SLC36A4: variants seen among roughly 807,000 people sequenced by gnomAD.
SLC36A4 encodes neutral amino acid uniporter 4.
Under a neutral mutation model 50.5 loss-of-function variants are expected in SLC36A4, and 49 were observed. The ratio of observed to expected loss-of-function variants is 0.97; its 90% confidence interval spans 0.77 to 1.23. The LOEUF (loss-of-function observed/expected upper bound fraction) is 1.23. Among genes scored for constraint, SLC36A4 ranks in the 50% most tolerant of loss-of-function variants. The pLI, the probability that SLC36A4 is intolerant of heterozygous loss-of-function variation, is 0.00. For synonymous variants in SLC36A4, 207 were observed against 206.5 expected (o/e 1.00, Z -0.02); for missense variants, 611 against 608.4 (o/e 1.00, Z -0.05).
At chr11:93,162,057 A>G (rs550079822) in intron 9 of SLC36A4, among the ~76,000 whole-genome samples, 1 of 151,286 alleles carries the variant, frequency 6.6e-6, no homozygotes, top group Non-Finnish European at 1.5e-5. Context: ...ACCATAAATG[A>G]TGTAATCTAT....
chr11:93,167,796 C>A (rs1028966700), intron 7 of SLC36A4, 148 bp downstream of exon 7: 13 of 595,220 alleles, frequency 2.2e-5, no homozygotes, highest in Non-Finnish European at 3.9e-5. Context: ...CAGCATCCCC[C>A]TAAAAGAAAC....
chr11:93,190,495 C>G (rs957979017), intron 1 of SLC36A4, among the ~76,000 whole-genome samples: 1 of 152,074 alleles, frequency 6.6e-6, no homozygotes, highest in Non-Finnish European at 1.5e-5. Context: ...TCCACAAATA[C>G]GTACAATTAC....
rs200553451 is a variant in SLC36A4 at position 93,175,981 on chromosome 11, G to C, written c.540+4816C>G. ...TATTAGGTCCGCTTGGTGCAGAGCTGAGTTCAATTCCTGGGTATCCTTGTT... is the reference window on the plus strand; with the variant it reads ...TATTAGGTCCGCTTGGTGCAGAGCTCAGTTCAATTCCTGGGTATCCTTGTT... On this transcript the variant is annotated intron_variant, in intron 6 of 10. Coordinates refer to ENST00000326402, the MANE Select transcript of SLC36A4 (RefSeq NM_152313.4). Among the ~76,000 whole-genome samples the C allele has an allele frequency of 7.5e-5, 10 of 133,960 alleles. No individual in the cohort carries two copies. The East Asian group carries it at 1.9e-3, about 26-fold the overall frequency. 87.9% of individuals were successfully genotyped at this position (133,960 alleles called of 152,430 possible).
At chr11:93,183,528 T>C (rs1861832505) in intron 3 of SLC36A4, among the ~76,000 whole-genome samples, 2 of 152,200 alleles carry the variant, frequency 1.3e-5, no homozygotes, top group African/African-American at 2.4e-5. Context: ...GTTAAAACTG[T>C]TTTTAGAAAG....
At chr11:93,179,533 T>G (rs1861642187) in intron 6 of SLC36A4, among the ~76,000 whole-genome samples, 1 of 152,176 alleles carries the variant, frequency 6.6e-6, no homozygotes, top group East Asian at 1.9e-4. Flanking sequence ...GACATTTAAG[T>G]TTCCAGACAT....
chr11:93,177,390 C>T (rs183695095), intron 6 of SLC36A4, among the ~76,000 whole-genome samples: 242 of 152,236 alleles, frequency 1.6e-3, no homozygotes, highest in African/African-American at 5.4e-3. Flanking sequence ...GCGAAGGGTT[C>T]GAACATCCTC....
chr11:93,164,127 C>T (rs1377117405), intron 8 of SLC36A4, among the ~76,000 whole-genome samples: 2 of 152,060 alleles, frequency 1.3e-5, no homozygotes, highest in Non-Finnish European at 2.9e-5. Context: ...TGGGTGTGTG[C>T]TTGTTGATAC....
intron 2 of SLC36A4, 143 bp downstream of exon 2, chr11:93,185,548 A>C (rs766118615): frequency 5.7e-6 from 4 of 701,894 alleles, no homozygotes; most frequent in Non-Finnish European, 6.4e-6. Flanking sequence ...TTCTTTCCCA[A>C]ATAGACTATA....
At chr11:93,169,088 C>T (rs1861014713) in intron 6 of SLC36A4, among the ~76,000 whole-genome samples, 1 of 151,930 alleles carries the variant, frequency 6.6e-6, no homozygotes, top group South Asian at 2.1e-4. Context: ...TCAATATTGT[C>T]GAGTCTCTGG....
In SLC36A4 at chr11:93,178,473, G is replaced by A. The variant is rs183405531; in HGVS notation, c.540+2324C>T. Reference sequence around the variant, plus strand: ...GCAAAAATCACCCGTCTTCTGTGTCGCTCAAGCTTGGAGCTGTAGACTGGC... The same window carrying A: ...GCAAAAATCACCCGTCTTCTGTGTCACTCAAGCTTGGAGCTGTAGACTGGC... On this transcript the variant is annotated intron_variant, in intron 6 of 10. Coordinates refer to ENST00000326402, the MANE Select transcript of SLC36A4 (RefSeq NM_152313.4). 9.2e-5 allele frequency among the ~76,000 whole-genome samples: 14 copies of A among 152,300 alleles called. No individual in the cohort carries two copies. The East Asian group carries it at 9.7e-4, about 11-fold the overall frequency.
At chr11:93,190,036 T>C (rs931542751) in intron 1 of SLC36A4, among the ~76,000 whole-genome samples, 1 of 152,190 alleles carries the variant, frequency 6.6e-6, no homozygotes, top group Non-Finnish European at 1.5e-5. Context: ...CAAACTCACA[T>C]TGTTTAGCAG....
intron 9 of SLC36A4, among the ~76,000 whole-genome samples, chr11:93,156,456 G>T (rs1422101660): frequency 6.8e-6 from 1 of 146,174 alleles, no homozygotes; most frequent in Non-Finnish European, 1.5e-5. Flanking sequence ...GTCTCACTCT[G>T]TTGCCCAGGC....
chr11:93,170,715 A>G (rs1051544579), intron 6 of SLC36A4, among the ~76,000 whole-genome samples: 1 of 152,060 alleles, frequency 6.6e-6, no homozygotes, highest in Non-Finnish European at 1.5e-5. Context: ...GAGATTTTCT[A>G]GAGTATCTTA....
intron 7 of SLC36A4, chr11:93,166,555 C>T (rs1339646044): frequency 4.2e-6 from 1 of 240,830 alleles, no homozygotes; most frequent in East Asian, 1.8e-4. Flanking sequence ...TTGTCATTAC[C>T]CTTATTATTT....
At position 93,148,737 on chromosome 11, in the gene SLC36A4, T is replaced by C. The variant is rs534462057; in HGVS notation, c.1315A>G (p.Thr439Ala). 2 of 1,612,970 alleles carry C rather than the reference T, an allele frequency of 1.2e-6. No homozygotes were observed. Among genetic ancestry groups the C allele is most frequent in the African/African-American group, 1.3e-5 (1 of 74,964 alleles). Residue 439 changes from threonine to alanine, a missense_variant, in exon 11 of 11, where the codon ACA (threonine) becomes GCA (alanine). Physicochemically the swap from Thr to Ala is moderately conservative, Grantham distance 58. Coordinates refer to ENST00000326402, the MANE Select transcript of SLC36A4 (RefSeq NM_152313.4). ...LILPPLVEIL[T>A]FSKEHYNIWM... The stretch of plus-strand genomic sequence containing the variant: ...ATATTATAATGTTCCTTCGAAAATG[T>C]AAGAATTTCAACCAAAGGTGGCAGG...
intron 1 of SLC36A4, among the ~76,000 whole-genome samples, 156 bp downstream of exon 1, chr11:93,197,622 A>T (rs1862484038): frequency 1.3e-5 from 2 of 152,068 alleles, no homozygotes; most frequent in South Asian, 4.1e-4. Flanking sequence ...GGGGTCAGAT[A>T]ACCGGTTCCT....
intron 6 of SLC36A4, among the ~76,000 whole-genome samples, chr11:93,176,429 G>A (rs1246381616): frequency 2.0e-5 from 3 of 152,110 alleles, no homozygotes; most frequent in African/African-American, 4.8e-5. Context: ...CTTTTAATTG[G>A]AGAATTTAGT....
At chr11:93,153,590 T>G (rs1029210539) in intron 10 of SLC36A4, among the ~76,000 whole-genome samples, 1 of 152,100 alleles carries the variant, frequency 6.6e-6, no homozygotes, top group Admixed American at 6.6e-5. Context: ...GTCTCTATTA[T>G]GAATGCTACC....
rs1211073355 is a variant in SLC36A4 at position 93,176,285 on chromosome 11, G to A, written c.540+4512C>T. On this transcript the variant is annotated intron_variant, in intron 6 of 10. Transcript: ENST00000326402. ...AGGATTGCAACCCCTGCCTTTTTTTGTTTTCCATTTGCTTGGTAGATCTTC... is the reference window on the plus strand; with the variant it reads ...AGGATTGCAACCCCTGCCTTTTTTTATTTTCCATTTGCTTGGTAGATCTTC... Among the ~76,000 whole-genome samples, 3 of 148,628 alleles carry A rather than the reference G, an allele frequency of 2.0e-5. No homozygotes were observed. The South Asian group carries it at 6.4e-4, about 32-fold the overall frequency.
Sources: gnomAD v4.1 joint callset for allele counts (sites outside exome capture counted in the v4.1 genomes callset) on GRCh38, gnomAD v4.1.1 for gene constraint, MANE v1.5 for transcripts, NCBI Gene and HGNC (gene_info 2026-07-23, HGNC 2026-07-21) for gene names.